The following PALLD variants were observed in gnomAD, a reference collection of about 807,000 sequenced individuals.
PALLD encodes the protein palladin, cytoskeletal associated protein, also known as palladin.
In PALLD, 61 loss-of-function variants were observed where a neutral mutation model predicts 123.5. The observed-to-expected ratio is 0.49, with a 90% CI of 0.40 to 0.61. The LOEUF (loss-of-function observed/expected upper bound fraction) is 0.61, where lower values mean the gene tolerates loss of function less well. Ranked by LOEUF, PALLD falls within the 20% of genes least tolerant of loss-of-function variation. The pLI is 0.00. For synonymous variants in PALLD, 465 were observed against 496.4 expected, an observed-to-expected ratio of 0.94 and a Z score of 0.84; for missense variants, 1,273 against 1,377.0, an observed-to-expected ratio of 0.92 and a Z score of 1.20.
intron 2 of PALLD, chr4:168,647,869 T>C (rs556953490): frequency 6.6e-6 from 1 of 152,110 alleles, no homozygotes; most frequent in African/African-American, 2.4e-5. Context: ...GCTCCCTTCA[T>C]GTAATCACTC....
chr4:168,791,681 A>G (rs141716003), intron 10 of PALLD, among the ~76,000 whole-genome samples: 2,957 of 152,324 alleles, frequency 0.019, 113 homozygotes, highest in Admixed American at 0.092. Flanking sequence ...GACACAGCCA[A>G]ACCATATCAG....
chr4:168,607,401 T>C (rs1773289411), intron 2 of PALLD, among the ~76,000 whole-genome samples: 1 of 152,212 alleles, frequency 6.6e-6, no homozygotes, highest in South Asian at 2.1e-4. Flanking sequence ...ATTACTGTTC[T>C]GACTCATGTA....
chr4:168,714,546 A>C (rs1785154977), intron 10 of PALLD, among the ~76,000 whole-genome samples: 1 of 152,106 alleles, frequency 6.6e-6, no homozygotes, highest in Admixed American at 6.6e-5. Context: ...TTACACATTC[A>C]TTTTTTTCTT....
chr4:168,799,468 C>T (rs1383082045), intron 10 of PALLD, among the ~76,000 whole-genome samples: 1 of 152,190 alleles, frequency 6.6e-6, no homozygotes, highest in African/African-American at 2.4e-5. Flanking sequence ...TCCTACTCAC[C>T]TTGAACTTAT....
chr4:168,779,933 G>A (rs1227358153), intron 10 of PALLD, among the ~76,000 whole-genome samples: 1 of 149,896 alleles, frequency 6.7e-6, no homozygotes, highest in Non-Finnish European at 1.5e-5. Context: ...TTTGAGAGAA[G>A]GTCTCACTCT....
Position 168,512,326 on chromosome 4 carries a change from C to T in PALLD, c.822C>T (p.Ile274=). The change falls in exon 2 of 22, where the codon ATC becomes ATT. Residue 274 remains isoleucine, a synonymous_variant. Transcript: ENST00000505667. ...ACTTCCCAGCTGCACCTCGATTCATCCAAAAGCTGAGGAGCCAAGAAGTAG... is the reference window on the plus strand; with the variant it reads ...ACTTCCCAGCTGCACCTCGATTCATTCAAAAGCTGAGGAGCCAAGAAGTAG... ...ALHFPAAPRF[I]QKLRSQEVAE... is the part of the protein sequence containing the mutation. 3 of 1,614,198 alleles carry T rather than the reference C, an allele frequency of 1.9e-6. No homozygotes were observed. Among genetic ancestry groups the T allele is most frequent in the Non-Finnish European group, 2.5e-6 (3 of 1,180,028 alleles).
rs73864632 is a variant in PALLD, at chr4:168,730,000, G to T, written c.1964+18077G>T. 6.4e-3 allele frequency among the ~76,000 whole-genome samples: 973 copies of T among 152,232 alleles called. 13 individuals carry two copies. The highest frequency in any genetic ancestry group is 0.022 in the African/African-American group (916 of 41,526). The stretch of plus-strand genomic sequence containing the variant: ...ACTATCTCTTCACCCCTAGTACTTT[G>T]AAATGTTGTGATGATATGTAATATT... On this transcript the variant is annotated intron_variant, in intron 10 of 21. Transcript: ENST00000505667.
intron 10 of PALLD, among the ~76,000 whole-genome samples, chr4:168,794,466 G>GTACGTGCACACGCACACACACA (rs1186151953): frequency 2.0e-5 from 3 of 149,508 alleles, no homozygotes; most frequent in African/African-American, 7.4e-5. Flanking sequence ...GCGCACAGAC[G>GTACGTGCACACGCACACACACA]TACGTGCACA....
chr4:168,921,919 T>G (rs1761589159), intron 18 of PALLD, among the ~76,000 whole-genome samples, 178 bp downstream of exon 18: 1 of 152,066 alleles, frequency 6.6e-6, no homozygotes, highest in Non-Finnish European at 1.5e-5. Context: ...ACAGAAATCT[T>G]TCATTTCTCC....
chr4:168,842,997 A>T (rs1383714378), intron 10 of PALLD, among the ~76,000 whole-genome samples: 1 of 152,204 alleles, frequency 6.6e-6, no homozygotes, highest in Non-Finnish European at 1.5e-5. Context: ...GGGTCCCACA[A>T]ATGTGTAGTT....
At chr4:168,891,159 C>CATTATT in intron 11 of PALLD, 102 bp downstream of exon 11, 8 of 1,136,794 alleles carry the variant, frequency 7.0e-6, no homozygotes, top group South Asian at 1.3e-5. Flanking sequence ...ACAACATCAT[C>CATTATT]ATTATTATTA....
intron 10 of PALLD, among the ~76,000 whole-genome samples, chr4:168,777,953 T>A (rs1477565029): frequency 6.6e-6 from 1 of 152,188 alleles, no homozygotes; most frequent in Non-Finnish European, 1.5e-5. Context: ...TTATAATCAG[T>A]CCTGAAGAAC....
chr4:168,531,815 C>T (rs1199424578), intron 2 of PALLD, among the ~76,000 whole-genome samples: 2 of 152,234 alleles, frequency 1.3e-5, no homozygotes, highest in Non-Finnish European at 2.9e-5. Flanking sequence ...CACTCTATCC[C>T]TGAAGTAAAT....
chr4:168,601,673 A>T (rs1388877803), intron 2 of PALLD, among the ~76,000 whole-genome samples: 1 of 152,202 alleles, frequency 6.6e-6, no homozygotes, highest in Non-Finnish European at 1.5e-5. Context: ...TAGCTTAAAT[A>T]ACAGAAGTTG....
chr4:168,672,989 A>G (rs1315895001), intron 3 of PALLD, among the ~76,000 whole-genome samples: 1 of 151,956 alleles, frequency 6.6e-6, no homozygotes, highest in Non-Finnish European at 1.5e-5. Flanking sequence ...ATCCAAATAA[A>G]CTCATCATCA....
At chr4:168,814,161 A>G (rs1205401767) in intron 10 of PALLD, among the ~76,000 whole-genome samples, 3 of 152,214 alleles carry the variant, frequency 2.0e-5, no homozygotes, top group African/African-American at 7.2e-5. Context: ...CAAGAAAACA[A>G]TGAGAAAGGT....
At chr4:168,913,063 C>T (rs183688851) in intron 15 of PALLD, among the ~76,000 whole-genome samples, 263 of 152,026 alleles carry the variant, frequency 1.7e-3, no homozygotes, top group Non-Finnish European at 2.5e-3. Flanking sequence ...TATCATCCCA[C>T]GCATACTTCT....
chr4:168,542,854 C>T lies in PALLD; in HGVS notation c.908+30442C>T, dbSNP rs560644709. Among the ~76,000 whole-genome samples, 8 of 150,324 alleles carry T rather than the reference C, an allele frequency of 5.3e-5. No individual in the cohort carries two copies. The East Asian group carries it at 1.6e-3, about 29-fold the overall frequency. On this transcript the variant is annotated intron_variant, in intron 2 of 21. Transcript: ENST00000505667. ...AAAAAGGTTTGGGCCTATCTGATGG[C>T]CTTGTTGCGTCATTGCCCTCTACGT...
chr4:168,669,046 G>A (rs151316109), intron 3 of PALLD, among the ~76,000 whole-genome samples: 269 of 152,314 alleles, frequency 1.8e-3, no homozygotes, highest in African/African-American at 5.7e-3. Context: ...AGTGTTTTAA[G>A]CACTGTAGTG....
Sources: allele counts gnomAD v4.1 joint callset (sites outside exome capture counted in the v4.1 genomes callset), GRCh38; gene constraint gnomAD v4.1.1; transcripts MANE v1.5; gene names NCBI Gene and HGNC (gene_info 2026-07-23, HGNC 2026-07-21).